Variants in PHACTR2 observed in about 807,000 individuals in gnomAD.
PHACTR2 encodes phosphatase and actin regulator 2.
Under a neutral mutation model 76.0 loss-of-function variants are expected in PHACTR2, and 30 were observed. That is an observed-to-expected ratio of 0.39 (90% CI 0.30 to 0.54). The LOEUF (loss-of-function observed/expected upper bound fraction) is 0.54. Among genes scored for constraint, PHACTR2 ranks in the 20% least tolerant of loss-of-function variants. The pLI is 0.61. For synonymous variants in PHACTR2, 292 were observed against 292.5 expected, an observed-to-expected ratio of 1.00 and a Z score of 0.02; for missense variants, 696 against 781.1, an observed-to-expected ratio of 0.89 and a Z score of 1.30.
chr6:143,596,311 A>T lies in PHACTR2; in HGVS notation c.217+59104A>T, dbSNP rs1775756088. On this transcript the variant is annotated intron_variant, in intron 1 of 11. Transcript: ENST00000367584. The surrounding 1 kb of genome is among the most constrained non-coding windows in gnomAD (Gnocchi z 4.6). ...CTGTTTTCCAAGTTGGGAGCGGCTA[A>T]CTAAGCGGGTCGTCCTTTCTCAGAA... Among the ~76,000 whole-genome samples, 1 of 151,190 alleles carries T rather than the reference A, an allele frequency of 6.6e-6. No homozygotes were observed. The highest frequency in any genetic ancestry group is 2.1e-4 in the South Asian group (1 of 4,752).
rs1350422810 is a variant in PHACTR2, at chr6:143,543,166, CTG to C, written c.217+5961_217+5962del. ...GTAAATAACATGATGATGATGATGA[CTG>C]TTCTTGTTTTCAGAGGATGCATGAA... On this transcript the variant is annotated intron_variant, in intron 1 of 11. Coordinates refer to the PHACTR2 transcript ENST00000367584. This position sits in a 1 kb window ranked among gnomAD's most constrained non-coding sequence, Gnocchi z 4.7. Among the ~76,000 whole-genome samples the C allele has an allele frequency of 6.6e-6, 1 of 152,154 alleles. No individual in the cohort carries two copies. Among genetic ancestry groups the C allele is most frequent in the African/African-American group, 2.4e-5 (1 of 41,430 alleles).
chr6:143,805,199 G>T (rs1776036970), intron 11 of PHACTR2, among the ~76,000 whole-genome samples: 1 of 152,126 alleles, frequency 6.6e-6, no homozygotes, highest in Non-Finnish European at 1.5e-5. Context: ...CCTCCTTTCG[G>T]CCGGGCACGG....
At position 143,764,961 on chromosome 6, in the gene PHACTR2, T is replaced by C. The variant is rs1489226573; in HGVS notation, c.695-300T>C. Among the ~76,000 whole-genome samples the C allele has an allele frequency of 6.6e-6, 1 of 152,098 alleles. No individual in the cohort carries two copies. Among genetic ancestry groups the C allele is most frequent in the East Asian group, 1.9e-4 (1 of 5,184 alleles). ...TACCGGGCTTTTTTCAAGTGAACCA[T>C]AGACAAGGGGCAGAAGATTCTCCCT... On this transcript the variant is annotated intron_variant, in intron 5 of 12. Coordinates refer to ENST00000440869, the MANE Select transcript of PHACTR2 (RefSeq NM_001100164.2). The surrounding 1 kb of genome is among the most constrained non-coding windows in gnomAD (Gnocchi z 4.7).
chr6:143,668,461 C>T (rs557177876), intron 1 of PHACTR2, among the ~76,000 whole-genome samples: 1 of 152,276 alleles, frequency 6.6e-6, no homozygotes, highest in South Asian at 2.1e-4. Flanking sequence ...ACCAGCTCCT[C>T]TCTGTACCTC....
rs529621060 is a variant in PHACTR2, at chr6:143,790,472, T to C, written c.1845+1562T>C. Among the ~76,000 whole-genome samples, 249 of 152,172 alleles carry C rather than the reference T, an allele frequency of 1.6e-3. 2 individuals carry two copies. The highest frequency in any genetic ancestry group is 5.7e-3 in the African/African-American group (235 of 41,540). ...AGCACAGGCTGAGGAAGCTAGGAAG[T>C]CGTATCTCATTGTGCTTTTACTTTG... On this transcript the variant is annotated intron_variant, in intron 11 of 12. Coordinates refer to ENST00000440869, the MANE Select transcript of PHACTR2 (RefSeq NM_001100164.2).
rs1776125013 is a variant in PHACTR2 at position 143,809,231 on chromosome 6, T to G, written c.1922+2098T>G. Among the ~76,000 whole-genome samples, 1 of 152,240 alleles carries G rather than the reference T, an allele frequency of 6.6e-6. No individual in the cohort carries two copies. The highest frequency in any genetic ancestry group is 1.9e-4 in the East Asian group (1 of 5,206). On this transcript the variant is annotated intron_variant, in intron 12 of 12. Transcript: ENST00000440869. This position sits in a 1 kb window ranked among gnomAD's most constrained non-coding sequence, Gnocchi z 4.2. ...GTACATTTTTATGGAAGTTCTCATT[T>G]TATGAAAAATAAATATTTATACTAA...
intron 2 of PHACTR2, among the ~76,000 whole-genome samples, chr6:143,716,915 A>C (rs11967001): frequency 0.041 from 6,289 of 152,074 alleles, 426 homozygotes; most frequent in African/African-American, 0.14. Context: ...TGGGCAGAGC[A>C]CCCGTCTCCC....
At chr6:143,721,819 C>G (rs778522671) in intron 2 of PHACTR2, among the ~76,000 whole-genome samples, 4 of 152,106 alleles carry the variant, frequency 2.6e-5, no homozygotes, top group Non-Finnish European at 5.9e-5. Flanking sequence ...GAGTTCCTGG[C>G]CCAGTGCAGG....
At position 143,828,889 on chromosome 6, in the gene PHACTR2, C is replaced by T. The variant is rs888475651; in HGVS notation, c.*5200C>T. On this transcript the variant is annotated 3_prime_UTR_variant, in exon 13 of 13. Coordinates refer to ENST00000440869, the MANE Select transcript of PHACTR2 (RefSeq NM_001100164.2). The surrounding 1 kb of genome is among the most constrained non-coding windows in gnomAD (Gnocchi z 4.7). ...AAAGCATTCCCCCAGGTTCAAATGC[C>T]CTCCCTGGGAGGTTGGTATCACCTC... The T allele has an allele frequency of 6.6e-6, 1 of 152,104 alleles. No homozygotes were observed. Among genetic ancestry groups the T allele is most frequent in the African/African-American group, 2.4e-5 (1 of 41,396 alleles). The allele number at this position is 152,104 out of a possible 1,614,324, so 9.4% of individuals were successfully genotyped here.
chr6:143,560,688 G>T (rs1310212004), intron 1 of PHACTR2, among the ~76,000 whole-genome samples: 13 of 152,168 alleles, frequency 8.5e-5, no homozygotes, highest in Non-Finnish European at 1.8e-4. Flanking sequence ...ATTGCCAAGA[G>T]AGGTCACCCA....
intron 2 of PHACTR2, among the ~76,000 whole-genome samples, chr6:143,741,228 T>C (rs943047676): frequency 2.7e-5 from 4 of 150,836 alleles, no homozygotes; most frequent in Non-Finnish European, 5.9e-5. Context: ...AATACAAAAA[T>C]TAGCCAGTCA....
chr6:143,555,668 A>AC (rs1182310516), intron 1 of PHACTR2, among the ~76,000 whole-genome samples: 1 of 151,976 alleles, frequency 6.6e-6, no homozygotes, highest in African/African-American at 2.4e-5. Context: ...AATAAAATAT[A>AC]CCCCCACCCT....
rs1228794200 is a variant in PHACTR2 at position 143,760,195 on chromosome 6, T to A, written c.455-206T>A. ...TGTATAACCCGGTTTTATTAAAGGG[T>A]GATTCGTGTACCCTGAGAACACTTC... On this transcript the variant is annotated intron_variant, in intron 4 of 12. Transcript: ENST00000440869. This position sits in a 1 kb window ranked among gnomAD's most constrained non-coding sequence, Gnocchi z 6.4. 6.6e-6 allele frequency among the ~76,000 whole-genome samples: 1 copy of A among 152,130 alleles called. No homozygotes were observed. Among genetic ancestry groups the A allele is most frequent in the African/African-American group, 2.4e-5 (1 of 41,426 alleles).
chr6:143,672,999 A>G (rs1171009225), upstream of PHACTR2, among the ~76,000 whole-genome samples: 1 of 152,158 alleles, frequency 6.6e-6, no homozygotes, highest in East Asian at 1.9e-4. This position sits in a 1 kb window ranked among gnomAD's most constrained non-coding sequence, Gnocchi z 5.8. Flanking sequence ...TGCTGGGATT[A>G]CAGGCATGAG....
Position 143,581,900 on chromosome 6 carries a change from A to G in PHACTR2, c.217+44693A>G, listed in dbSNP as rs1192316996. Among the ~76,000 whole-genome samples the G allele has an allele frequency of 2.0e-5, 3 of 152,120 alleles. No individual in the cohort carries two copies. The highest frequency in any genetic ancestry group is 4.4e-5 in the Non-Finnish European group (3 of 68,034). ...GCCTAGACTTAGATGAACCCAGTCT[A>G]TTTTTTGCAGTTATACATGGGGATG... On this transcript the variant is annotated intron_variant, in intron 1 of 11. Coordinates refer to the PHACTR2 transcript ENST00000367584. The surrounding 1 kb of genome is among the most constrained non-coding windows in gnomAD (Gnocchi z 4.5).
Position 143,782,705 on chromosome 6 carries a change from G to A in PHACTR2, c.1646-514G>A, listed in dbSNP as rs1433565726. On this transcript the variant is annotated intron_variant, in intron 9 of 12. Transcript: ENST00000440869. This position sits in a 1 kb window ranked among gnomAD's most constrained non-coding sequence, Gnocchi z 4.6. ...GCTTACATTCTGCTTCTATGGAAAC[G>A]AAGGAAGACAAATCAAATATTTTGG... is the stretch of plus-strand genomic sequence containing the variant. Among the ~76,000 whole-genome samples, 5 of 152,174 alleles carry A rather than the reference G, an allele frequency of 3.3e-5. No individual in the cohort carries two copies. The highest frequency in any genetic ancestry group is 2.1e-4 in the South Asian group (1 of 4,830).
chr6:143,630,346 A>G (rs1776342291), intron 1 of PHACTR2, among the ~76,000 whole-genome samples: 1 of 151,750 alleles, frequency 6.6e-6, no homozygotes, highest in African/African-American at 2.4e-5. Flanking sequence ...AATAATGTTA[A>G]TATACCAAAT....
rs1562243534 is a variant in PHACTR2, at chr6:143,592,865, G to A, written c.217+55658G>A. Among the ~76,000 whole-genome samples, 1 of 151,710 alleles carries A rather than the reference G, an allele frequency of 6.6e-6. No homozygotes were observed. The highest frequency in any genetic ancestry group is 1.5e-5 in the Non-Finnish European group (1 of 67,928). ...GAGTTTGAGACCCAGGCTGCAAAAT[G>A]GCGAAACCCTGTCTCTACAAAAAAT... is the stretch of plus-strand genomic sequence containing the variant. On this transcript the variant is annotated intron_variant, in intron 1 of 11. Coordinates refer to the PHACTR2 transcript ENST00000367584. This position sits in a 1 kb window ranked among gnomAD's most constrained non-coding sequence, Gnocchi z 4.0.
intron 12 of PHACTR2, among the ~76,000 whole-genome samples, chr6:143,813,056 A>G (rs1014876033): frequency 3.9e-5 from 6 of 152,226 alleles, no homozygotes; most frequent in Non-Finnish European, 8.8e-5. Context: ...GTTAACATGT[A>G]TCAGATTTGT....
Sources: gnomAD v4.1 joint callset for allele counts (sites outside exome capture counted in the v4.1 genomes callset) on GRCh38, gnomAD v4.1.1 for gene constraint, Gnocchi (gnomAD v3.1) non-coding constraint, MANE v1.5 for transcripts, NCBI Gene and HGNC (gene_info 2026-07-23, HGNC 2026-07-21) for gene names.